The following CAMK1D variants were observed in gnomAD, a reference collection of about 807,000 sequenced individuals.
CAMK1D encodes calcium/calmodulin dependent protein kinase ID, also known as calcium/calmodulin-dependent protein kinase type 1D.
CAMK1D carries 9 observed loss-of-function variants against 47.7 expected under a neutral mutation model. The ratio of observed to expected loss-of-function variants is 0.19; its 90% confidence interval spans 0.11 to 0.33. CAMK1D has a LOEUF of 0.33. Among genes scored for constraint, CAMK1D ranks in the 10% least tolerant of loss-of-function variants. CAMK1D has a pLI of 1.00. For synonymous variants in CAMK1D, 184 were observed against 184.9 expected (o/e 0.99, Z 0.04); for missense variants, 291 against 488.7 (o/e 0.60, Z 3.81).
intron 1 of CAMK1D, among the ~76,000 whole-genome samples, chr10:12,549,509 T>C (rs1405391392): frequency 6.6e-6 from 1 of 152,248 alleles, no homozygotes; most frequent in African/African-American, 2.4e-5. Flanking sequence ...CCTCTGTGAA[T>C]GTGGTTGTCC....
At position 12,368,397 on chromosome 10, in the gene CAMK1D, C is replaced by T. The variant is rs563195845; in HGVS notation, c.92+18487C>T. ...CTCTAGCCTGGGTCAAACAGCAAGA[C>T]CCTATTAAAAAAAAAAAAGTTTGTT... is the stretch of plus-strand genomic sequence containing the variant. On this transcript the variant is annotated intron_variant, in intron 1 of 10. Transcript: ENST00000619168. Among the ~76,000 whole-genome samples the T allele has an allele frequency of 8.7e-5, 13 of 150,234 alleles. No homozygotes were observed. In the South Asian group the frequency reaches 2.1e-3, roughly 24 times the overall value.
intron 1 of CAMK1D, among the ~76,000 whole-genome samples, chr10:12,548,333 T>G (rs1294365716): frequency 6.6e-6 from 1 of 152,154 alleles, no homozygotes; most frequent in Non-Finnish European, 1.5e-5. Flanking sequence ...GTTTATCTAG[T>G]TTTTCCAATA....
At chr10:12,672,005 T>A (rs1482678739) in intron 3 of CAMK1D, among the ~76,000 whole-genome samples, 1 of 147,300 alleles carries the variant, frequency 6.8e-6, no homozygotes, top group African/African-American at 2.5e-5. Context: ...AAGCTGTGCC[T>A]CTCCGGTTCA....
At chr10:12,419,657 C>CAA in intron 1 of CAMK1D, among the ~76,000 whole-genome samples, 1 of 152,014 alleles carries the variant, frequency 6.6e-6, no homozygotes, top group Non-Finnish European at 1.5e-5. Context: ...CACACACACA[C>CAA]ACACACACAC....
rs192330179 is a variant in CAMK1D at position 12,385,280 on chromosome 10, A to C, written c.92+35370A>C. 7.2e-5 allele frequency among the ~76,000 whole-genome samples: 11 copies of C among 152,334 alleles called. No homozygotes were observed. The East Asian group carries it at 2.1e-3, about 29-fold the overall frequency. On this transcript the variant is annotated intron_variant, in intron 1 of 10. Coordinates refer to ENST00000619168, the MANE Select transcript of CAMK1D (RefSeq NM_153498.4). ...CTAAGAGAAATGAAAATATGTGCCC[A>C]TATGAAAACCTGTATATGAATGTTC...
chr10:12,810,819 T>G (rs1757584407), intron 6 of CAMK1D, among the ~76,000 whole-genome samples: 1 of 152,240 alleles, frequency 6.6e-6, no homozygotes, highest in Non-Finnish European at 1.5e-5. Context: ...GCTCAAGCCC[T>G]GATTTTTCTG....
chr10:12,715,890 A>G (rs1184352280), intron 3 of CAMK1D, among the ~76,000 whole-genome samples: 3 of 151,932 alleles, frequency 2.0e-5, no homozygotes, highest in East Asian at 1.9e-4. Context: ...CTGTATTTTT[A>G]GTAGAGACAG....
At chr10:12,547,366 G>A (rs1429382133) in intron 1 of CAMK1D, among the ~76,000 whole-genome samples, 1 of 152,168 alleles carries the variant, frequency 6.6e-6, no homozygotes, top group Non-Finnish European at 1.5e-5. Context: ...CGGGCTCCAG[G>A]CCAGTGCAAG....
Position 12,636,794 on chromosome 10 carries a change from T to C in CAMK1D, c.225-29942T>C, listed in dbSNP as rs1564459774. On this transcript the variant is annotated intron_variant, in intron 2 of 10. Transcript: ENST00000619168. ...GATTTTCAGTTAGAAGTTTTGATTCTGGCATCTTGCCTTCTGTCAGTAACT... is the reference window on the plus strand; with the variant it reads ...GATTTTCAGTTAGAAGTTTTGATTCCGGCATCTTGCCTTCTGTCAGTAACT... 2.6e-5 allele frequency among the ~76,000 whole-genome samples: 4 copies of C among 152,224 alleles called. No homozygotes were observed. The South Asian group carries it at 8.3e-4, about 32-fold the overall frequency.
rs114831554 is a variant in CAMK1D at position 12,662,861 on chromosome 10, A to G, written c.225-3875A>G. Among the ~76,000 whole-genome samples, 601 of 152,348 alleles carry G rather than the reference A, an allele frequency of 3.9e-3. 7 individuals are homozygous for G. The highest frequency in any genetic ancestry group is 0.013 in the African/African-American group (555 of 41,588). On this transcript the variant is annotated intron_variant, in intron 2 of 10. Coordinates refer to ENST00000619168, the MANE Select transcript of CAMK1D (RefSeq NM_153498.4). ...AGTGGTTATGCATTGGCTCAAAACT[A>G]CGACAATGAACTTGTTAGCTTTTAT...
intron 2 of CAMK1D, among the ~76,000 whole-genome samples, chr10:12,597,442 T>C (rs1027764312): frequency 3.9e-5 from 6 of 152,210 alleles, no homozygotes; most frequent in African/African-American, 1.2e-4. Flanking sequence ...GTTTCCTCGC[T>C]GACTCCCACA....
intron 1 of CAMK1D, among the ~76,000 whole-genome samples, chr10:12,463,132 T>G (rs914975761): frequency 7.3e-6 from 1 of 137,580 alleles, no homozygotes; most frequent in African/African-American, 2.6e-5. Context: ...CTCTAAGAGT[T>G]TTTTTTTTTT....
intron 2 of CAMK1D, among the ~76,000 whole-genome samples, chr10:12,650,720 G>A (rs148640007): frequency 2.0e-5 from 3 of 152,168 alleles, no homozygotes; most frequent in Non-Finnish European, 2.9e-5. Context: ...CTTGTGCCGC[G>A]TTCTCTTGTG....
chr10:12,790,191 G>A (rs1030602933), intron 5 of CAMK1D, among the ~76,000 whole-genome samples: 11 of 152,268 alleles, frequency 7.2e-5, no homozygotes, highest in African/African-American at 2.7e-4. Flanking sequence ...TTAGAACCAA[G>A]AATGCAAGGT....
intron 4 of CAMK1D, among the ~76,000 whole-genome samples, 179 bp downstream of exon 4, chr10:12,761,265 T>C (rs1588895830): frequency 6.6e-6 from 1 of 152,214 alleles, no homozygotes; most frequent in Non-Finnish European, 1.5e-5. Flanking sequence ...CAGAAGTATC[T>C]TGGAAGAAGA....
chr10:12,434,025 C>T (rs938537292), intron 1 of CAMK1D, among the ~76,000 whole-genome samples: 6 of 152,084 alleles, frequency 3.9e-5, no homozygotes, highest in African/African-American at 7.2e-5. Context: ...GGCTGGAATG[C>T]GGTGGTGTGA....
chr10:12,740,855 G>T (rs1326236861), intron 3 of CAMK1D, among the ~76,000 whole-genome samples: 1 of 152,162 alleles, frequency 6.6e-6, no homozygotes, highest in Non-Finnish European at 1.5e-5. Context: ...CATCCCTTTG[G>T]TTGAGGACTT....
chr10:12,493,621 G>A (rs1471329816), intron 1 of CAMK1D, among the ~76,000 whole-genome samples: 1 of 152,086 alleles, frequency 6.6e-6, no homozygotes, highest in Admixed American at 6.5e-5. Context: ...AGCCTCTCGA[G>A]TAGCTGGGAT....
At chr10:12,713,544 A>C (rs993290070) in intron 3 of CAMK1D, among the ~76,000 whole-genome samples, 1 of 152,166 alleles carries the variant, frequency 6.6e-6, no homozygotes, top group Non-Finnish European at 1.5e-5. Flanking sequence ...CAGATCAAAA[A>C]CCAAAAAGAA....
Sources: gnomAD v4.1 joint callset for allele counts (sites outside exome capture counted in the v4.1 genomes callset) on GRCh38, gnomAD v4.1.1 for gene constraint, MANE v1.5 for transcripts, NCBI Gene and HGNC (gene_info 2026-07-23, HGNC 2026-07-21) for gene names.